ATXN10: variants seen among roughly 807,000 people sequenced by gnomAD.
ATXN10 encodes ataxin 10.
Under a neutral mutation model 52.9 loss-of-function variants are expected in ATXN10, and 28 were observed. The ratio of observed to expected loss-of-function variants is 0.53; its 90% confidence interval spans 0.39 to 0.73. The LOEUF (loss-of-function observed/expected upper bound fraction) is 0.73, where lower values mean the gene tolerates loss of function less well. Among genes scored for constraint, ATXN10 ranks in the 30% least tolerant of loss-of-function variants. ATXN10 has a pLI of 0.00. For synonymous variants in ATXN10, 226 were observed against 221.5 expected (o/e 1.02, Z -0.18); for missense variants, 565 against 577.0 (o/e 0.98, Z 0.21).
chr22:45,817,106 G>A (rs149160080), intron 10 of ATXN10, among the ~76,000 whole-genome samples: 1 of 152,124 alleles, frequency 6.6e-6, no homozygotes, highest in Non-Finnish European at 1.5e-5. Context: ...CCATCCTGAC[G>A]TTTGTTTGAT....
At chr22:45,710,472 T>C (rs1165154662) in intron 5 of ATXN10, among the ~76,000 whole-genome samples, 1 of 152,218 alleles carries the variant, frequency 6.6e-6, no homozygotes, top group Non-Finnish European at 1.5e-5. Context: ...TTTATTCATT[T>C]GTTTAATAGC....
chr22:45,809,604 T>G (rs1228538082), intron 10 of ATXN10, among the ~76,000 whole-genome samples: 4 of 152,176 alleles, frequency 2.6e-5, no homozygotes, highest in African/African-American at 9.6e-5. Context: ...TCCCTTGTGC[T>G]TCCCCTGGAG....
At chr22:45,697,057 A>G (rs1923635200) in intron 3 of ATXN10, among the ~76,000 whole-genome samples, 1 of 152,158 alleles carries the variant, frequency 6.6e-6, no homozygotes, top group Admixed American at 6.5e-5. Context: ...ACATATTGTT[A>G]ACTATTTTAA....
intron 7 of ATXN10, among the ~76,000 whole-genome samples, chr22:45,737,282 T>C (rs1015521968): frequency 6.6e-6 from 1 of 152,238 alleles, no homozygotes; most frequent in Non-Finnish European, 1.5e-5. Flanking sequence ...CTTTGTTGTC[T>C]GCTATGACAA....
chr22:45,764,135 G>A (rs1018615682), intron 9 of ATXN10, among the ~76,000 whole-genome samples: 4 of 152,016 alleles, frequency 2.6e-5, no homozygotes, highest in Admixed American at 6.5e-5. Context: ...GACTTCATAC[G>A]CTTGCTTGCT....
rs1925139352 is a variant in ATXN10, at chr22:45,732,784, G to A, written c.894+3194G>A. 2.0e-5 allele frequency among the ~76,000 whole-genome samples: 3 copies of A among 152,208 alleles called. No individual in the cohort carries two copies. The highest frequency in any genetic ancestry group is 4.4e-5 in the Non-Finnish European group (3 of 68,012). ...GGAAACCAGCAAATGCTACAAATCA[G>A]GGTTTTCCACCTGCCTCTTCCACCC... On this transcript the variant is annotated intron_variant, in intron 7 of 11. Coordinates refer to ENST00000252934, the MANE Select transcript of ATXN10 (RefSeq NM_013236.4). This position sits in a 1 kb window ranked among gnomAD's most constrained non-coding sequence, Gnocchi z 4.5.
In ATXN10 at chr22:45,738,611, T is replaced by C. The variant is rs1338353376; in HGVS notation, c.895-120T>C. The C allele has an allele frequency of 1.7e-5, 15 of 870,902 alleles. No individual in the cohort carries two copies. In the South Asian group the frequency reaches 2.4e-4, roughly 14 times the overall value. 53.9% of individuals were successfully genotyped at this position (870,902 alleles called of 1,614,324 possible). A position where few individuals can be genotyped will look rare whatever the true frequency, so the allele number is the denominator to read the frequency against. On this transcript the variant is annotated intron_variant, in intron 7 of 11. Coordinates refer to ENST00000252934, the MANE Select transcript of ATXN10 (RefSeq NM_013236.4). Reference sequence around the variant, plus strand: ...TCATAGTTTTGTTTTTCTCTTTGACTTATTACAAGCACAGACTCTTTAAAT... The same window carrying C: ...TCATAGTTTTGTTTTTCTCTTTGACCTATTACAAGCACAGACTCTTTAAAT...
rs758408684 is a variant in ATXN10, at chr22:45,721,666, C to T, written c.728+3173C>T. ...ACTGCTACTATGCTGATGACCTTGC[C>T]GTTTTCTCCAGGTAGCATCACCGTT... On this transcript the variant is annotated intron_variant, in intron 6 of 11. Coordinates refer to ENST00000252934, the MANE Select transcript of ATXN10 (RefSeq NM_013236.4). Among the ~76,000 whole-genome samples, 91 of 152,134 alleles carry T rather than the reference C, an allele frequency of 6.0e-4. 1 individual carries two copies. The highest frequency in any genetic ancestry group is 5.7e-3 in the Admixed American group (87 of 15,268).
chr22:45,755,830 A>G (rs1442822824), intron 9 of ATXN10, among the ~76,000 whole-genome samples: 1 of 152,160 alleles, frequency 6.6e-6, no homozygotes, highest in East Asian at 1.9e-4. Context: ...CATCCTCATG[A>G]TATTTCCTAG....
chr22:45,720,559 C>T, intron 6 of ATXN10, among the ~76,000 whole-genome samples: 1 of 152,120 alleles, frequency 6.6e-6, no homozygotes, highest in East Asian at 1.9e-4. Flanking sequence ...GTTCACATTG[C>T]TGTGCAGTGA....
In ATXN10 at chr22:45,789,568, C is replaced by T. The variant is rs1052318061; in HGVS notation, c.1174-17391C>T. 1.3e-5 allele frequency among the ~76,000 whole-genome samples: 2 copies of T among 152,172 alleles called. No homozygotes were observed. The highest frequency in any genetic ancestry group is 4.8e-5 in the African/African-American group (2 of 41,442). ...TTCAATTGTCACCGCCCTGGGAAGG[C>T]GCCAGTGAAGGGCCTGGAAAAGTTA... On this transcript the variant is annotated intron_variant, in intron 9 of 11. Coordinates refer to ENST00000252934, the MANE Select transcript of ATXN10 (RefSeq NM_013236.4). This position sits in a 1 kb window ranked among gnomAD's most constrained non-coding sequence, Gnocchi z 4.0.
intron 9 of ATXN10, among the ~76,000 whole-genome samples, chr22:45,748,091 G>T (rs2069252816): frequency 6.6e-6 from 1 of 151,886 alleles, no homozygotes; most frequent in Non-Finnish European, 1.5e-5. Flanking sequence ...AGGTGGGACG[G>T]TTGATTGAGC....
At chr22:45,746,505 T>C (rs1446201139) in intron 9 of ATXN10, among the ~76,000 whole-genome samples, 2 of 152,100 alleles carry the variant, frequency 1.3e-5, no homozygotes, top group East Asian at 3.8e-4. Context: ...ATTGATCGAG[T>C]GATTGCTCTG....
At chr22:45,741,215 T>C (rs1222247376) in intron 9 of ATXN10, among the ~76,000 whole-genome samples, 1 of 152,256 alleles carries the variant, frequency 6.6e-6, no homozygotes, top group Admixed American at 6.5e-5. Context: ...GGTGGCAGAA[T>C]GTCTTGCATT....
Position 45,770,810 on chromosome 22 carries a change from G to A in ATXN10, c.1173+30272G>A, listed in dbSNP as rs892443471. ...ATGCCTTGCTGGGACCCTTTAGCCA[G>A]TGAATTGTTTCATTTGGTCCCATGG... On this transcript the variant is annotated intron_variant, in intron 9 of 11. Coordinates refer to ENST00000252934, the MANE Select transcript of ATXN10 (RefSeq NM_013236.4). The surrounding 1 kb of genome is among the most constrained non-coding windows in gnomAD (Gnocchi z 4.5). Among the ~76,000 whole-genome samples, 1 of 152,364 alleles carries A rather than the reference G, an allele frequency of 6.6e-6. No individual in the cohort carries two copies. The highest frequency in any genetic ancestry group is 2.4e-5 in the African/African-American group (1 of 41,590).
Position 45,671,847 on chromosome 22 carries a change from C to G in ATXN10, c.-217C>G. On this transcript the variant is annotated 5_prime_UTR_variant, in exon 1 of 12. Coordinates refer to ENST00000252934, the MANE Select transcript of ATXN10 (RefSeq NM_013236.4). ...CTCCCCCGCGGCGCCGTCTCCTCCTCCCGCCTGAGGCGAGTCTGGGCTCAG... is the reference window on the plus strand; with the variant it reads ...CTCCCCCGCGGCGCCGTCTCCTCCTGCCGCCTGAGGCGAGTCTGGGCTCAG... 1 of 408,250 alleles carries G rather than the reference C, an allele frequency of 2.4e-6. No homozygotes were observed. Among genetic ancestry groups the G allele is most frequent in the Admixed American group, 4.7e-5 (1 of 21,492 alleles). 25.3% of individuals were successfully genotyped at this position (408,250 alleles called of 1,614,324 possible).
At chr22:45,832,686 A>T (rs915359749) in intron 10 of ATXN10, among the ~76,000 whole-genome samples, 1 of 152,254 alleles carries the variant, frequency 6.6e-6, no homozygotes, top group African/African-American at 2.4e-5. Flanking sequence ...AGACATTCAG[A>T]TGTAAGATTA....
chr22:45,777,712 ATGTC>A (rs1569060742), intron 9 of ATXN10, among the ~76,000 whole-genome samples: 1 of 152,220 alleles, frequency 6.6e-6, no homozygotes, highest in South Asian at 2.1e-4. Context: ...TGGATTAACT[ATGTC>A]TGTGCACTTG....
At position 45,715,139 on chromosome 22, in the gene ATXN10, C is replaced by T. The variant is rs1290339475; in HGVS notation, c.648-3274C>T. On this transcript the variant is annotated intron_variant, in intron 5 of 11. Coordinates refer to ENST00000252934, the MANE Select transcript of ATXN10 (RefSeq NM_013236.4). The surrounding 1 kb of genome is among the most constrained non-coding windows in gnomAD (Gnocchi z 4.4). ...TTGAGGATTTTATGAACATATTGAT[C>T]AAATCACATTTATTGAACATTTGTT... Among the ~76,000 whole-genome samples, 1 of 152,170 alleles carries T rather than the reference C, an allele frequency of 6.6e-6. No homozygotes were observed. Among genetic ancestry groups the T allele is most frequent in the Admixed American group, 6.5e-5 (1 of 15,280 alleles).
Sources: allele counts gnomAD v4.1 joint callset (sites outside exome capture counted in the v4.1 genomes callset), GRCh38; gene constraint gnomAD v4.1.1; non-coding constraint Gnocchi (gnomAD v3.1); transcripts MANE v1.5; gene names NCBI Gene and HGNC (gene_info 2026-07-23, HGNC 2026-07-21).